WWOX: variants seen among roughly 807,000 people sequenced by gnomAD.
The protein encoded by WWOX is WW domain-containing oxidoreductase.
A neutral mutation model predicts 46.2 loss-of-function variants in WWOX; 69 were observed. That is an observed-to-expected ratio of 1.49 (90% CI 1.23 to 1.82). WWOX has a LOEUF of 1.82. Ranked by LOEUF, WWOX falls within the 40% of genes most tolerant of loss-of-function variation. The pLI, the probability that WWOX is intolerant of heterozygous loss-of-function variation, is 0.00. For missense variants in WWOX, 919 were observed against 542.6 expected (o/e 1.69, Z -6.89); for synonymous variants, 359 against 202.6 (o/e 1.77, Z -6.56).
intron 8 of WWOX, among the ~76,000 whole-genome samples, chr16:79,028,542 T>TTCTTGCTTTCTTCCCTCCTC (rs1215277550): frequency 1.3e-5 from 2 of 151,606 alleles, no homozygotes; most frequent in African/African-American, 4.9e-5. Flanking sequence ...CTCCCATCCT[T>TTCTTGCTTTCTTCCCTCCTC]TCTTGCTTTC....
Position 78,234,380 on chromosome 16 carries a change from C to A in WWOX, c.516+70091C>A, listed in dbSNP as rs866939266. 3.9e-5 allele frequency among the ~76,000 whole-genome samples: 6 copies of A among 152,104 alleles called. No individual in the cohort carries two copies. In the South Asian group the frequency reaches 1.2e-3, roughly 32 times the overall value. ...ATTTGTGATATATCATATGAATATA[C>A]TTGAGGGTCATGAGAAGTTCATATG... On this transcript the variant is annotated intron_variant, in intron 5 of 8. Coordinates refer to ENST00000566780, the MANE Select transcript of WWOX (RefSeq NM_016373.4).
At chr16:79,207,942 T>A (rs1046149389) in intron 8 of WWOX, among the ~76,000 whole-genome samples, 1 of 152,214 alleles carries the variant, frequency 6.6e-6, no homozygotes, top group Non-Finnish European at 1.5e-5. Context: ...CTTAACATTT[T>A]CATCCCAACA....
chr16:78,921,620 A>T (rs1029873122), intron 8 of WWOX, among the ~76,000 whole-genome samples: 1 of 152,178 alleles, frequency 6.6e-6, no homozygotes, highest in Non-Finnish European at 1.5e-5. Context: ...GGGAGGTTAC[A>T]TGGATTCTGG....
intron 8 of WWOX, among the ~76,000 whole-genome samples, chr16:78,884,602 A>G (rs1397777326): frequency 1.3e-5 from 2 of 152,216 alleles, no homozygotes; most frequent in Admixed American, 1.3e-4. Flanking sequence ...AGAGGAATGT[A>G]TCCTATGTGA....
chr16:78,617,507 G>C (rs184073692), intron 8 of WWOX, among the ~76,000 whole-genome samples: 5 of 151,856 alleles, frequency 3.3e-5, no homozygotes, highest in African/African-American at 1.2e-4. Flanking sequence ...TGACTTTGCC[G>C]AGCACAAGTG....
At chr16:78,322,189 A>C (rs1268565516) in intron 5 of WWOX, among the ~76,000 whole-genome samples, 1 of 152,128 alleles carries the variant, frequency 6.6e-6, no homozygotes, top group Non-Finnish European at 1.5e-5. Context: ...AAACAATTCG[A>C]AAGAGCAAAT....
intron 8 of WWOX, among the ~76,000 whole-genome samples, chr16:78,700,336 G>C (rs944191639): frequency 6.9e-6 from 1 of 145,344 alleles, no homozygotes; most frequent in African/African-American, 2.5e-5. Context: ...GAGAGAGAGA[G>C]AGAGAGAGAG....
chr16:79,187,564 G>A (rs981482746), intron 8 of WWOX, among the ~76,000 whole-genome samples: 2 of 152,018 alleles, frequency 1.3e-5, no homozygotes, highest in Non-Finnish European at 2.9e-5. Context: ...ACCGCACACC[G>A]CCACCACGCC....
intron 6 of WWOX, among the ~76,000 whole-genome samples, chr16:78,396,855 G>T (rs752102403): frequency 6.6e-6 from 1 of 152,158 alleles, no homozygotes; most frequent in Non-Finnish European, 1.5e-5. Flanking sequence ...ACTGGGTGTG[G>T]CTGTGTCCTA....
intron 8 of WWOX, among the ~76,000 whole-genome samples, chr16:78,484,627 A>G (rs2084584487): frequency 6.6e-6 from 1 of 152,186 alleles, no homozygotes; most frequent in Non-Finnish European, 1.5e-5. Flanking sequence ...AAACGGTAGT[A>G]TTTGTGTGTA....
At position 79,208,155 on chromosome 16, in the gene WWOX, C is replaced by T. The variant is rs546093399; in HGVS notation, c.1057-3453C>T. On this transcript the variant is annotated intron_variant, in intron 8 of 8. Transcript: ENST00000566780. ...TCCTGGGTAATTTTACATATACTCT[C>T]AAGATTGATTGCACAGTTCTCCTCT... Among the ~76,000 whole-genome samples, 176 of 152,318 alleles carry T rather than the reference C, an allele frequency of 1.2e-3. 1 individual carries two copies. The highest frequency in any genetic ancestry group is 4.0e-3 in the African/African-American group (165 of 41,562).
At chr16:78,605,258 C>G (rs1475689335) in intron 8 of WWOX, among the ~76,000 whole-genome samples, 3 of 151,640 alleles carry the variant, frequency 2.0e-5, no homozygotes, top group Admixed American at 2.0e-4. Flanking sequence ...TTAGCGTTGT[C>G]TCTCCAGCCT....
intron 8 of WWOX, among the ~76,000 whole-genome samples, chr16:78,936,287 TA>T (rs1197273508): frequency 6.6e-6 from 1 of 152,156 alleles, no homozygotes; most frequent in African/African-American, 2.4e-5. Context: ...GGACAGAGCT[TA>T]AGATGGCTGC....
At chr16:78,378,110 C>T (rs973216786) in intron 5 of WWOX, among the ~76,000 whole-genome samples, 5 of 151,548 alleles carry the variant, frequency 3.3e-5, no homozygotes, top group Non-Finnish European at 7.4e-5. Flanking sequence ...CCCCCTGCGT[C>T]CCCCCGCCCT....
chr16:78,968,155 C>T (rs373091848), intron 8 of WWOX, among the ~76,000 whole-genome samples: 51 of 10,558 alleles, frequency 4.8e-3, no homozygotes, highest in South Asian at 0.025. Flanking sequence ...GCGCGTGGTC[C>T]GCGTGGCACA....
intron 8 of WWOX, among the ~76,000 whole-genome samples, chr16:78,662,006 TGCACTCCA>T (rs1168398883): frequency 6.6e-6 from 1 of 152,210 alleles, no homozygotes; most frequent in African/African-American, 2.4e-5. Flanking sequence ...ATTGTGCCAC[TGCACTCCA>T]GCCTGGATGA....
rs140791518 is a variant in WWOX at position 78,757,936 on chromosome 16, T to A, written c.1056+325184T>A. Reference sequence around the variant, plus strand: ...TAATATCACCTTGGAGATTAGGGTTTCCAAATATGAGTTTGGGGGGACACA... The same window carrying A: ...TAATATCACCTTGGAGATTAGGGTTACCAAATATGAGTTTGGGGGGACACA... On this transcript the variant is annotated intron_variant, in intron 8 of 8. Transcript: ENST00000566780. Among the ~76,000 whole-genome samples, 247 of 152,190 alleles carry A rather than the reference T, an allele frequency of 1.6e-3. 2 individuals are homozygous for A. In the South Asian group the frequency reaches 0.022, roughly 14 times the overall value.
chr16:78,515,450 C>A (rs942610891), intron 8 of WWOX, among the ~76,000 whole-genome samples: 4 of 152,028 alleles, frequency 2.6e-5, no homozygotes, highest in Non-Finnish European at 5.9e-5. Flanking sequence ...GATGAGACAC[C>A]AGCTCTTTTT....
At chr16:78,971,778 T>C (rs1226446202) in intron 8 of WWOX, among the ~76,000 whole-genome samples, 2 of 151,892 alleles carry the variant, frequency 1.3e-5, no homozygotes, top group Admixed American at 6.6e-5. Flanking sequence ...TTCCAAACTT[T>C]ACCTGAGGAT....
Sources: allele counts gnomAD v4.1 joint callset (sites outside exome capture counted in the v4.1 genomes callset), GRCh38; gene constraint gnomAD v4.1.1; transcripts MANE v1.5; gene names NCBI Gene and HGNC (gene_info 2026-07-23, HGNC 2026-07-21).